The following MTA1 variants were observed in gnomAD, a reference collection of about 807,000 sequenced individuals.
MTA1 encodes the protein metastasis-associated protein MTA1.
A neutral mutation model predicts 97.0 loss-of-function variants in MTA1; 15 were observed. The ratio of observed to expected loss-of-function variants is 0.15; its 90% confidence interval spans 0.10 to 0.24. MTA1 has a LOEUF of 0.24. Among genes scored for constraint, MTA1 ranks in the 10% least tolerant of loss-of-function variants. MTA1 has a pLI of 1.00. For synonymous variants in MTA1, 435 were observed against 417.5 expected (o/e 1.04, Z -0.51); for missense variants, 709 against 1,015.1 (o/e 0.70, Z 4.10).
intron 10 of MTA1, among the ~76,000 whole-genome samples, chr14:105,461,437 C>T (rs1241973368): frequency 6.6e-6 from 1 of 152,190 alleles, no homozygotes; most frequent in African/African-American, 2.4e-5. Flanking sequence ...ACCTCCACCT[C>T]AGGACCCCCA....
intron 1 of MTA1, among the ~76,000 whole-genome samples, chr14:105,425,679 C>A (rs1397860701): frequency 6.6e-6 from 1 of 150,844 alleles, no homozygotes; most frequent in Non-Finnish European, 1.5e-5. Context: ...CCCACCCCCA[C>A]CCCAGCTGGC....
At chr14:105,444,591 G>A (rs1293351561) in intron 2 of MTA1, among the ~76,000 whole-genome samples, 1 of 152,094 alleles carries the variant, frequency 6.6e-6, no homozygotes, top group Non-Finnish European at 1.5e-5. Flanking sequence ...AGGGGTTCCA[G>A]ACCAGCCTGG....
chr14:105,463,680 G>C lies in MTA1; in HGVS notation c.1076+129G>C. ...GGCTGGGAAAGTTGGGGCAGCCCCC[G>C]GGAGGGCGGCCCAGGGCTGGGGGGT... On this transcript the variant is annotated intron_variant, in intron 12 of 20. Coordinates refer to ENST00000331320, the MANE Select transcript of MTA1 (RefSeq NM_004689.4). This position sits in a 1 kb window ranked among gnomAD's most constrained non-coding sequence, Gnocchi z 5.9. 1.1e-6 allele frequency: 1 copy of C among 927,940 alleles called. No homozygotes were observed. Among genetic ancestry groups the C allele is most frequent in the Non-Finnish European group, 1.7e-6 (1 of 596,136 alleles). 57.5% of individuals were successfully genotyped at this position (927,940 alleles called of 1,614,324 possible). A position where few individuals can be genotyped will look rare whatever the true frequency, so the allele number is the denominator to read the frequency against.
intron 18 of MTA1, 152 bp downstream of exon 18, chr14:105,466,894 C>T (rs1411825655): frequency 1.7e-5 from 13 of 761,514 alleles, no homozygotes; most frequent in South Asian, 1.5e-4. Context: ...ACATTCCTCC[C>T]GACATCACTG....
chr14:105,432,851 C>T (rs2082216270), intron 1 of MTA1, among the ~76,000 whole-genome samples: 1 of 152,194 alleles, frequency 6.6e-6, no homozygotes, highest in Non-Finnish European at 1.5e-5. Flanking sequence ...AGCTGCTTTT[C>T]TGGGCTCACA....
chr14:105,426,991 C>G (rs587756398), intron 1 of MTA1, among the ~76,000 whole-genome samples: 2 of 152,334 alleles, frequency 1.3e-5, no homozygotes, highest in Admixed American at 6.5e-5. Flanking sequence ...CCATGGCAGA[C>G]CTGGCTGTGG....
intron 1 of MTA1, among the ~76,000 whole-genome samples, chr14:105,434,600 G>T (rs587602445): frequency 2.0e-5 from 3 of 151,554 alleles, no homozygotes; most frequent in Non-Finnish European, 2.9e-5. Context: ...CCGGGTTCAA[G>T]CGATTGTCCT....
In MTA1 at chr14:105,463,475, C is replaced by A; in HGVS notation, c.1018-18C>A. On this transcript the variant is annotated intron_variant, in intron 11 of 20. Transcript: ENST00000331320. The surrounding 1 kb of genome is among the most constrained non-coding windows in gnomAD (Gnocchi z 5.9). Reference sequence around the variant, plus strand: ...TGGGCCTAGCCTGCTGACCTCTGACCTTCTCTTTTGTTTTAAGAAACGCTT... The same window carrying A: ...TGGGCCTAGCCTGCTGACCTCTGACATTCTCTTTTGTTTTAAGAAACGCTT... 1 of 1,613,042 alleles carries A rather than the reference C, an allele frequency of 6.2e-7. No individual in the cohort carries two copies. The highest frequency in any genetic ancestry group is 2.2e-5 in the East Asian group (1 of 44,860).
At position 105,464,089 on chromosome 14, in the gene MTA1, C is replaced by T. The variant is rs148214371; in HGVS notation, c.1134C>T (p.Asn378=). The T allele has an allele frequency of 3.6e-5, 58 of 1,612,138 alleles. No homozygotes were observed. Among genetic ancestry groups the T allele is most frequent in the African/African-American group, 1.6e-4 (12 of 74,854 alleles). Residue 378 remains asparagine (N), a synonymous_variant, in exon 13 of 21, where the codon AAC becomes AAT. Transcript: ENST00000331320. ...ACAACGTCAAGGCCGGTGTGGTGAACGGCACGGGGGCGCCGGGCCAGAGCC... is the reference window on the plus strand; with the variant it reads ...ACAACGTCAAGGCCGGTGTGGTGAATGGCACGGGGGCGCCGGGCCAGAGCC... The part of the protein sequence containing the change: ...SVNNVKAGVV[N]GTGAPGQSPG...
Position 105,464,748 on chromosome 14 carries a change from G to A in MTA1, c.1419G>A (p.Leu473=), listed in dbSNP as rs782753758. Residue 473 remains leucine (L), a synonymous_variant, in exon 15 of 21, where the codon CTG becomes CTA. Coordinates refer to ENST00000331320, the MANE Select transcript of MTA1 (RefSeq NM_004689.4). The part of the protein sequence containing the change: ...FAMKTRQAFY[L]HTTKLTRIAR... ...TGAAGACCAGGCAGGCTTTCTATCTGCACACGACGAAGCTGACGCGGATCG... is the reference window on the plus strand; with the variant it reads ...TGAAGACCAGGCAGGCTTTCTATCTACACACGACGAAGCTGACGCGGATCG... 6 of 1,610,064 alleles carry A rather than the reference G, an allele frequency of 3.7e-6. No homozygotes were observed. Among genetic ancestry groups the A allele is most frequent in the Non-Finnish European group, 5.1e-6 (6 of 1,178,020 alleles).
intron 7 of MTA1, chr14:105,454,728 TC>T (rs1267871386): frequency 6.2e-6 from 1 of 160,164 alleles, no homozygotes; most frequent in Non-Finnish European, 1.4e-5. Flanking sequence ...TGCCTCAGCC[TC>T]CCGAGTAGCT....
At chr14:105,445,330 G>C (rs587673841) in intron 2 of MTA1, 88 bp from the exon 3 acceptor site, 24 of 1,206,854 alleles carry the variant, frequency 2.0e-5, no homozygotes, top group Admixed American at 1.5e-4. Context: ...GTCCCTGGAC[G>C]GCAGGGTCCG....
At chr14:105,460,314 C>T (rs377564448) in intron 8 of MTA1, 44 bp from the exon 9 acceptor site, 788 of 1,545,682 alleles carry the variant, frequency 5.1e-4, no homozygotes, top group Non-Finnish European at 6.2e-4. Context: ...TGTGGGGAGT[C>T]CCTGCTTGGC....
At chr14:105,465,732 A>T (rs1291019952) in intron 16 of MTA1, 1 of 152,474 alleles carries the variant, frequency 6.6e-6, no homozygotes, top group African/African-American at 2.4e-5. Flanking sequence ...CGAGAACCTC[A>T]GCCGGCTACC....
intron 3 of MTA1, chr14:105,445,783 T>C (rs777623551): frequency 3.1e-5 from 18 of 578,578 alleles, no homozygotes; most frequent in Non-Finnish European, 5.9e-5. Context: ...ATGGTGTGGC[T>C]GGGTGTGGGC....
chr14:105,469,332 T>C, intron 18 of MTA1, 135 bp from the exon 19 acceptor site: 2 of 985,450 alleles, frequency 2.0e-6, no homozygotes, highest in South Asian at 2.8e-5. Context: ...CCCAGGCCCA[T>C]CCTGGGTGTG....
In MTA1 at chr14:105,466,580, T is replaced by A; in HGVS notation, c.1777+2T>A. 6.4e-7 allele frequency: 1 copy of A among 1,572,086 alleles called. No homozygotes were observed. ...ACGAGCAGCACAACGGGGTGGACGG[T>A]GAGTGGCCCCCCCGCCCGGTGAGTG... On this transcript the variant is annotated splice_donor_variant, in intron 17 of 20. Transcript: ENST00000331320. LOFTEE classifies it high-confidence loss of function.
Position 105,424,892 on chromosome 14 carries a change from G to A in MTA1, c.28+4829G>A, listed in dbSNP as rs896978222. Among the ~76,000 whole-genome samples the A allele has an allele frequency of 6.6e-6, 1 of 152,260 alleles. No individual in the cohort carries two copies. The highest frequency in any genetic ancestry group is 1.5e-5 in the Non-Finnish European group (1 of 68,038). ...ATGTTGGAATATATGGTCCAATGAA[G>A]CACATCCCTCGCGCCCGACCCGCCC... is the stretch of plus-strand genomic sequence containing the variant. On this transcript the variant is annotated intron_variant, in intron 1 of 20. Coordinates refer to ENST00000331320, the MANE Select transcript of MTA1 (RefSeq NM_004689.4). This position sits in a 1 kb window ranked among gnomAD's most constrained non-coding sequence, Gnocchi z 4.0.
chr14:105,441,520 C>T (rs1328489707), intron 2 of MTA1, among the ~76,000 whole-genome samples: 13 of 152,208 alleles, frequency 8.5e-5, no homozygotes, highest in Admixed American at 2.6e-4. Flanking sequence ...AGAGGCTGGA[C>T]GCAGGGGCTC....
Sources: gnomAD v4.1 joint callset for allele counts (sites outside exome capture counted in the v4.1 genomes callset) on GRCh38, gnomAD v4.1.1 for gene constraint, Gnocchi (gnomAD v3.1) non-coding constraint, MANE v1.5 for transcripts, NCBI Gene and HGNC (gene_info 2026-07-23, HGNC 2026-07-21) for gene names.